Variants in LRRC43 observed in about 807,000 individuals in gnomAD.
LRRC43 encodes leucine-rich repeat-containing protein 43.
Under a neutral mutation model 64.3 loss-of-function variants are expected in LRRC43, and 62 were observed. That is an observed-to-expected ratio of 0.96 (90% CI 0.79 to 1.19). The LOEUF (loss-of-function observed/expected upper bound fraction) is 1.19, where lower values mean the gene tolerates loss of function less well. Among genes scored for constraint, LRRC43 ranks in the 50% most tolerant of loss-of-function variants. LRRC43 has a pLI of 0.00. For missense variants in LRRC43, 868 were observed against 845.0 expected (o/e 1.03, Z -0.34); for synonymous variants, 422 against 382.3 (o/e 1.10, Z -1.21).
At chr12:122,185,208 C>T (rs1264306761) in intron 2 of LRRC43, among the ~76,000 whole-genome samples, 8 of 152,190 alleles carry the variant, frequency 5.3e-5, no homozygotes, top group African/African-American at 1.9e-4. Context: ...TGGTGGCTCT[C>T]TGGTGCTTGT....
At chr12:122,191,312 C>T (rs1187747526) in intron 5 of LRRC43, 68 bp from the exon 6 acceptor site, 5 of 1,391,978 alleles carry the variant, frequency 3.6e-6, no homozygotes, top group African/African-American at 1.4e-5. Context: ...GCCTTCCCAG[C>T]CCTCTTGCTT....
chr12:122,196,005 A>C (rs997209962), intron 7 of LRRC43, among the ~76,000 whole-genome samples: 2 of 152,308 alleles, frequency 1.3e-5, no homozygotes, highest in Admixed American at 1.3e-4. Flanking sequence ...AGTTCTCTTT[A>C]GCTTCTCAGC....
In LRRC43 at chr12:122,190,276, CCAT is replaced by C. The variant is rs1953701551; in HGVS notation, c.811_813del (p.Ile271del). 6.2e-7 allele frequency: 1 copy of C among 1,614,070 alleles called. No individual in the cohort carries two copies. The highest frequency in any genetic ancestry group is 1.7e-5 in the Admixed American group (1 of 60,012). On this transcript the variant is annotated inframe_deletion, in exon 5 of 12. Transcript: ENST00000339777. Reference sequence around the variant, plus strand: ...TTGGTGCCCTACTACCGCGGCCTCACCATCGACAGCCTGGCCCAGCTCTGCGTG... The same window carrying C: ...TTGGTGCCCTACTACCGCGGCCTCACCGACAGCCTGGCCCAGCTCTGCGTG...
At chr12:122,173,024 G>A (rs1953502953) in intron 1 of LRRC43, among the ~76,000 whole-genome samples, 1 of 152,134 alleles carries the variant, frequency 6.6e-6, no homozygotes, top group Non-Finnish European at 1.5e-5. Context: ...GGTGGGAATT[G>A]CAGCACATCT....
At chr12:122,172,580 C>T (rs1953495907) in intron 1 of LRRC43, 1 of 1,614,168 alleles carries the variant, frequency 6.2e-7, no homozygotes, top group African/African-American at 1.3e-5. Flanking sequence ...TGTCGAGGTG[C>T]TCTATGATCT....
chr12:122,186,130 G>T (rs930699881), intron 2 of LRRC43, 60 bp from the exon 3 acceptor site: 1 of 896,014 alleles, frequency 1.1e-6, no homozygotes, highest in Non-Finnish European at 1.8e-6. Context: ...TGTGGACATG[G>T]GTTCTGTGCC....
intron 1 of LRRC43, among the ~76,000 whole-genome samples, chr12:122,171,121 G>C (rs1017988179): frequency 6.6e-6 from 1 of 152,216 alleles, no homozygotes; most frequent in African/African-American, 2.4e-5. Flanking sequence ...TGAAAACCCA[G>C]TGGGGAGTTG....
intron 10 of LRRC43, 91 bp downstream of exon 10, chr12:122,201,025 A>T: frequency 6.9e-7 from 1 of 1,445,120 alleles, no homozygotes; most frequent in Non-Finnish European, 9.3e-7. Context: ...GGCCCAGGTC[A>T]CGGGATGGGG....
intron 7 of LRRC43, among the ~76,000 whole-genome samples, chr12:122,194,211 T>C (rs1443191560): frequency 6.6e-6 from 1 of 150,408 alleles, no homozygotes; most frequent in South Asian, 2.1e-4. Flanking sequence ...AAATATAAAG[T>C]TGTTTTTTTT....
chr12:122,184,748 A>G lies in LRRC43; in HGVS notation c.380A>G (p.Tyr127Cys). The G allele has an allele frequency of 6.2e-7, 1 of 1,610,398 alleles. No individual in the cohort carries two copies. Among genetic ancestry groups the G allele is most frequent in the Non-Finnish European group, 8.5e-7 (1 of 1,178,334 alleles). Residue 127 changes from tyrosine to cysteine, a missense_variant, in exon 2 of 12, where the codon TAC becomes TGC. Physicochemically the swap from Tyr to Cys is radical, Grantham distance 194. Coordinates refer to ENST00000339777, the MANE Select transcript of LRRC43 (RefSeq NM_001098519.2). The surrounding 1 kb of genome is among the most constrained non-coding windows in gnomAD (Gnocchi z 4.0). Reference protein sequence around the residue: ...LTITDTFFYSYFRSLRVIDKK... With the variant: ...LTITDTFFYSCFRSLRVIDKK... ...ATCACAGACACCTTCTTCTACTCCT[A>G]CTTCCGGTCCCTGCGGGTAATAGAC...
intron 11 of LRRC43, 68 bp from the exon 12 acceptor site, chr12:122,203,247 G>A (rs997997648): frequency 1.9e-6 from 3 of 1,577,966 alleles, no homozygotes; most frequent in Admixed American, 3.4e-5. Context: ...TATGGGATGG[G>A]TCAGGGCGGC....
chr12:122,169,085 G>A lies in LRRC43; in HGVS notation c.-406+1303G>A, dbSNP rs530642753. On this transcript the variant is annotated intron_variant, in intron 1 of 5. Coordinates refer to the LRRC43 transcript ENST00000537729. ...AAGCGTGGGCTCACTGGCCAGAGGT[G>A]GTGTCTGAGATGCATCTCCCCTGCC... Among the ~76,000 whole-genome samples, 3 of 152,208 alleles carry A rather than the reference G, an allele frequency of 2.0e-5. No individual in the cohort carries two copies. The South Asian group carries it at 6.2e-4, about 32-fold the overall frequency.
upstream of LRRC43, among the ~76,000 whole-genome samples, chr12:122,182,707 A>G (rs1263043601): frequency 6.6e-6 from 1 of 152,106 alleles, no homozygotes; most frequent in East Asian, 1.9e-4. Context: ...AAATAAAATA[A>G]ATAAAAAATT....
chr12:122,186,395 A>T, intron 3 of LRRC43, 95 bp downstream of exon 3: 1 of 754,914 alleles, frequency 1.3e-6, no homozygotes, highest in Non-Finnish European at 2.2e-6. Context: ...GCATGGGTGG[A>T]GGGTAAGGCC....
rs180816612 is a variant in LRRC43 at position 122,198,311 on chromosome 12, G to A, written c.1350-1878G>A. On this transcript the variant is annotated intron_variant, in intron 7 of 11. Coordinates refer to ENST00000339777, the MANE Select transcript of LRRC43 (RefSeq NM_001098519.2). ...CGAGATATAGTTAATATATCATAAC[G>A]TTCATGTTAAAGCGTATGAGTCGGT... Among the ~76,000 whole-genome samples, 200 of 152,002 alleles carry A rather than the reference G, an allele frequency of 1.3e-3. 1 individual carries two copies. The highest frequency in any genetic ancestry group is 4.4e-3 in the African/African-American group (184 of 41,458).
At chr12:122,177,803 C>T (rs1381622127) in intron 1 of LRRC43, among the ~76,000 whole-genome samples, 5 of 123,002 alleles carry the variant, frequency 4.1e-5, no homozygotes, top group Non-Finnish European at 8.9e-5. Context: ...CGCCTGGCCA[C>T]CTTTGTGGTT....
At chr12:122,169,168 C>T (rs546525161) in intron 1 of LRRC43, among the ~76,000 whole-genome samples, 1 of 152,290 alleles carries the variant, frequency 6.6e-6, no homozygotes, top group African/African-American at 2.4e-5. Flanking sequence ...CAAGTCCCAC[C>T]CGCCTTCAAG....
At chr12:122,175,203 T>C (rs1042960402) in intron 1 of LRRC43, among the ~76,000 whole-genome samples, 1 of 151,950 alleles carries the variant, frequency 6.6e-6, no homozygotes, top group Non-Finnish European at 1.5e-5. Context: ...AGAGTCTTGC[T>C]CTGTCGCCTG....
At chr12:122,183,368 G>C (rs1198447997) in intron 1 of LRRC43, 74 bp downstream of exon 1, 1 of 1,362,292 alleles carries the variant, frequency 7.3e-7, no homozygotes, top group Non-Finnish European at 9.4e-7. Flanking sequence ...CGAGCGGAGC[G>C]GGCTGGTCCC....
Sources: allele counts gnomAD v4.1 joint callset (sites outside exome capture counted in the v4.1 genomes callset), GRCh38; gene constraint gnomAD v4.1.1; non-coding constraint Gnocchi (gnomAD v3.1); transcripts MANE v1.5; gene names NCBI Gene and HGNC (gene_info 2026-07-23, HGNC 2026-07-21).